The following ERBB4 variants were observed in gnomAD, a reference collection of about 807,000 sequenced individuals.
ERBB4 encodes the protein receptor tyrosine-protein kinase erbB-4.
A neutral mutation model predicts 158.0 loss-of-function variants in ERBB4; 42 were observed. The ratio of observed to expected loss-of-function variants is 0.27; its 90% CI spans 0.21 to 0.34. The LOEUF (loss-of-function observed/expected upper bound fraction) is 0.34. ERBB4 is among the 10% of genes least tolerant of loss of function. The pLI is 1.00. For missense variants in ERBB4, 1,333 were observed against 1,624.1 expected (o/e 0.82, Z 3.08); for synonymous variants, 583 against 558.7 (o/e 1.04, Z -0.61).
At chr2:212,484,011 C>T (rs1689850303) in intron 1 of ERBB4, among the ~76,000 whole-genome samples, 1 of 152,174 alleles carries the variant, frequency 6.6e-6, no homozygotes, top group African/African-American at 2.4e-5. Context: ...GTTAGGATTA[C>T]AGGCATGAGC....
intron 3 of ERBB4, among the ~76,000 whole-genome samples, chr2:211,826,372 T>A (rs998741920): frequency 6.6e-6 from 1 of 151,878 alleles, no homozygotes; most frequent in African/African-American, 2.4e-5. Context: ...CTATCTCAAG[T>A]AGTAAATGTT....
intron 3 of ERBB4, among the ~76,000 whole-genome samples, chr2:211,788,449 C>A (rs1044241176): frequency 6.6e-6 from 1 of 151,916 alleles, no homozygotes; most frequent in Admixed American, 6.6e-5. Context: ...TGTTTTCTTC[C>A]CTGGAATTGA....
chr2:211,714,391 G>A (rs1252921406), intron 7 of ERBB4, among the ~76,000 whole-genome samples: 1 of 152,136 alleles, frequency 6.6e-6, no homozygotes, highest in East Asian at 1.9e-4. Context: ...TGGGAATATT[G>A]TTCTGGCACA....
intron 1 of ERBB4, among the ~76,000 whole-genome samples, chr2:212,327,556 CTA>C (rs539246095): frequency 1.3e-5 from 2 of 151,964 alleles, no homozygotes; most frequent in African/African-American, 4.8e-5. Context: ...CTTGAATTCC[CTA>C]TGATTCTAAA....
At chr2:211,968,302 C>A (rs745340967) in intron 2 of ERBB4, among the ~76,000 whole-genome samples, 43 of 151,970 alleles carry the variant, frequency 2.8e-4, no homozygotes, top group Admixed American at 5.9e-4. Context: ...TCATGAAAAT[C>A]ATTTTTCTTG....
chr2:212,471,445 C>T (rs574828273), intron 1 of ERBB4, among the ~76,000 whole-genome samples: 4 of 151,984 alleles, frequency 2.6e-5, no homozygotes, highest in African/African-American at 9.6e-5. Context: ...AATATTCTTG[C>T]AATTGCTATT....
At position 211,417,060 on chromosome 2, in the gene ERBB4, A is replaced by T. The variant is rs181753793; in HGVS notation, c.3135+3381T>A. 3.3e-5 allele frequency among the ~76,000 whole-genome samples: 5 copies of T among 152,292 alleles called. No individual in the cohort carries two copies. In the East Asian group the frequency reaches 9.6e-4, roughly 29 times the overall value. On this transcript the variant is annotated intron_variant, in intron 25 of 27. Transcript: ENST00000342788. ...TAATCTTCATAATATTCCGTGAGAA[A>T]ATTTTTAAATCCCCATTTTACAGAT...
chr2:211,969,631 G>C (rs2081397422), intron 2 of ERBB4, among the ~76,000 whole-genome samples: 2 of 152,078 alleles, frequency 1.3e-5, no homozygotes, highest in South Asian at 2.1e-4. Context: ...TGCTCTTTAT[G>C]CACAGTTTAA....
intron 20 of ERBB4, among the ~76,000 whole-genome samples, chr2:211,465,375 C>A (rs1173576222): frequency 1.3e-5 from 2 of 150,374 alleles, no homozygotes; most frequent in East Asian, 3.9e-4. Flanking sequence ...TGTTTTAAGA[C>A]CTAAGTTTTG....
chr2:211,460,291 G>A (rs1262363784), intron 20 of ERBB4, among the ~76,000 whole-genome samples: 1 of 151,938 alleles, frequency 6.6e-6, no homozygotes, highest in East Asian at 1.9e-4. Context: ...CTACTGAACT[G>A]TAATCACCTT....
chr2:212,534,905 A>G (rs567966680), intron 1 of ERBB4, among the ~76,000 whole-genome samples: 1 of 152,346 alleles, frequency 6.6e-6, no homozygotes, highest in African/African-American at 2.4e-5. Flanking sequence ...AGAATAAAAA[A>G]TGCATAAATC....
chr2:212,027,399 G>C (rs1325176469), intron 2 of ERBB4, among the ~76,000 whole-genome samples: 1 of 151,996 alleles, frequency 6.6e-6, no homozygotes, highest in East Asian at 1.9e-4. Flanking sequence ...TAGAATTGGA[G>C]AGTTTAGACC....
chr2:211,984,673 T>C (rs538150808), intron 2 of ERBB4, among the ~76,000 whole-genome samples: 1 of 152,166 alleles, frequency 6.6e-6, no homozygotes, highest in South Asian at 2.1e-4. Flanking sequence ...AAGAATAATG[T>C]ATAGCTATTT....
At chr2:212,380,933 G>T (rs543349411) in intron 1 of ERBB4, among the ~76,000 whole-genome samples, 11 of 151,138 alleles carry the variant, frequency 7.3e-5, no homozygotes, top group African/African-American at 2.7e-4. Context: ...TTGGGTAGTC[G>T]GAATTAAAGC....
intron 20 of ERBB4, among the ~76,000 whole-genome samples, chr2:211,548,820 G>C (rs1464615389): frequency 1.3e-5 from 2 of 152,056 alleles, no homozygotes; most frequent in Non-Finnish European, 2.9e-5. Context: ...CTGCAGTTAG[G>C]TTCGGTTATA....
chr2:212,143,813 C>T (rs760003743), intron 1 of ERBB4, among the ~76,000 whole-genome samples: 5 of 151,782 alleles, frequency 3.3e-5, no homozygotes, highest in South Asian at 2.1e-4. Context: ...GTCAGGAGTT[C>T]GAGACTAGCT....
At chr2:212,383,185 G>A (rs1354224889) in intron 1 of ERBB4, among the ~76,000 whole-genome samples, 1 of 151,196 alleles carries the variant, frequency 6.6e-6, no homozygotes, top group Non-Finnish European at 1.5e-5. Flanking sequence ...ATTATTATAT[G>A]CAATGTAATA....
At chr2:212,016,007 T>A (rs1224606536) in intron 2 of ERBB4, among the ~76,000 whole-genome samples, 3 of 150,572 alleles carry the variant, frequency 2.0e-5, no homozygotes, top group African/African-American at 7.4e-5. Context: ...TAGATTTTTA[T>A]AGCGTAGGAC....
intron 2 of ERBB4, among the ~76,000 whole-genome samples, chr2:212,106,597 C>G (rs1204554013): frequency 2.0e-5 from 3 of 152,220 alleles, no homozygotes; most frequent in Non-Finnish European, 2.9e-5. Context: ...CTGCAAAAAT[C>G]TGCATAAGTA....
Sources: allele counts gnomAD v4.1 joint callset (sites outside exome capture counted in the v4.1 genomes callset), GRCh38; gene constraint gnomAD v4.1.1; transcripts MANE v1.5; gene names NCBI Gene and HGNC (gene_info 2026-07-23, HGNC 2026-07-21).